Variants in HRH1 observed in about 807,000 individuals in gnomAD.
HRH1 encodes the protein histamine H1 receptor.
In HRH1, 6 loss-of-function variants were observed where a neutral mutation model predicts 10.3. The ratio of observed to expected loss-of-function variants is 0.58; its 90% CI spans 0.32 to 1.15. The LOEUF is 1.15. Ranked by LOEUF, HRH1 falls within the 50% of genes most tolerant of loss-of-function variation. HRH1 has a pLI of 0.05. For synonymous variants in HRH1, 242 were observed against 236.7 expected (o/e 1.02, Z -0.21); for missense variants, 514 against 615.3 (o/e 0.84, Z 1.74).
In HRH1 at chr3:11,260,346, G is replaced by T. The variant is rs202064669; in HGVS notation, c.1309G>T (p.Val437Phe). 5.9e-5 allele frequency: 95 copies of T among 1,614,070 alleles called. 1 individual carries two copies. Among genetic ancestry groups the T allele is most frequent in the Non-Finnish European group, 1.7e-6 (2 of 1,180,044 alleles). The change falls in exon 2 of 2, where the codon GTC becomes TTC. Residue 437 changes from valine to phenylalanine, a missense_variant. Coordinates refer to ENST00000431010, the MANE Select transcript of HRH1 (RefSeq NM_001098212.2). The part of the protein sequence containing the change: ...CWIPYFIFFM[V>F]IAFCKNCCNE... ...GATCCCTTATTTCATCTTCTTCATGGTCATTGCCTTCTGCAAGAACTGTTG... is the reference window on the plus strand; with the variant it reads ...GATCCCTTATTTCATCTTCTTCATGTTCATTGCCTTCTGCAAGAACTGTTG...
intron 1 of HRH1, among the ~76,000 whole-genome samples, chr3:11,247,874 C>T (rs923419241): frequency 2.0e-5 from 3 of 152,006 alleles, no homozygotes; most frequent in Non-Finnish European, 2.9e-5. Flanking sequence ...TGCACTAAAC[C>T]GCAAATACAG....
intron 1 of HRH1, among the ~76,000 whole-genome samples, chr3:11,141,693 C>T (rs1012018380): frequency 6.6e-6 from 1 of 152,196 alleles, no homozygotes; most frequent in African/African-American, 2.4e-5. Context: ...CACTATCTTT[C>T]ATGATCTAGA....
chr3:11,185,745 G>A (rs113443344), intron 1 of HRH1, among the ~76,000 whole-genome samples: 1 of 152,198 alleles, frequency 6.6e-6, no homozygotes, highest in Non-Finnish European at 1.5e-5. Flanking sequence ...GCCAATAGTG[G>A]TGATGGTGTT....
chr3:11,201,290 C>T (rs980758607), intron 1 of HRH1, among the ~76,000 whole-genome samples: 5 of 152,178 alleles, frequency 3.3e-5, no homozygotes, highest in South Asian at 4.1e-4. Context: ...TTTGACTTGC[C>T]CTGCTTGTAT....
chr3:11,200,779 A>C (rs1937874229), intron 1 of HRH1, among the ~76,000 whole-genome samples: 1 of 152,122 alleles, frequency 6.6e-6, no homozygotes, highest in South Asian at 2.1e-4. Context: ...TTGGCTTACA[A>C]ATGAGTAAGG....
intron 1 of HRH1, among the ~76,000 whole-genome samples, chr3:11,237,598 C>T (rs376452743): frequency 6.7e-6 from 1 of 149,656 alleles, no homozygotes; most frequent in Non-Finnish European, 1.5e-5. Context: ...GAGGATTAAA[C>T]GATGCAATAT....
In HRH1 at chr3:11,260,487, C is replaced by A. The variant is rs1939925561; in HGVS notation, c.1450C>A (p.His484Asn). The A allele has an allele frequency of 3.1e-6, 5 of 1,599,506 alleles. No homozygotes were observed. The highest frequency in any genetic ancestry group is 1.3e-5 in the African/African-American group (1 of 74,576). Residue 484 changes from histidine to asparagine, a missense_variant, in exon 2 of 2, where the codon CAT becomes AAT. Transcript: ENST00000431010. The part of the protein sequence containing the change: ...NFKKTFKRIL[H>N]IRS ...CAAGAAGACATTCAAGAGAATTCTG[C>A]ATATTCGCTCCTAAGGGAGGCTCTG... is the stretch of plus-strand genomic sequence containing the variant.
intron 1 of HRH1, among the ~76,000 whole-genome samples, chr3:11,182,957 T>C (rs2125017859): frequency 6.6e-6 from 1 of 152,294 alleles, no homozygotes; most frequent in Middle Eastern, 3.4e-3. Context: ...TATAAAGCAC[T>C]TTTCCCTTTT....
chr3:11,206,786 T>G (rs550217308), intron 1 of HRH1, among the ~76,000 whole-genome samples: 1 of 152,226 alleles, frequency 6.6e-6, no homozygotes, highest in Admixed American at 6.5e-5. Flanking sequence ...CCCAGGCACC[T>G]GTGCCTGGCA....
chr3:11,259,918 A>T lies in HRH1; in HGVS notation c.881A>T (p.Asp294Val), dbSNP rs757067380. ...KSPVVFSQEDDREVDKLYCFP... is the reference protein window; with the variant it reads ...KSPVVFSQEDVREVDKLYCFP... ...CCAGTTGTCTTCAGCCAAGAGGATGATAGAGAAGTAGACAAACTCTACTGC... is the reference window on the plus strand; with the variant it reads ...CCAGTTGTCTTCAGCCAAGAGGATGTTAGAGAAGTAGACAAACTCTACTGC... Residue 294 changes from aspartate (D) to valine (V), a missense_variant, in exon 2 of 2, where the codon GAT becomes GTT. Coordinates refer to ENST00000431010, the MANE Select transcript of HRH1 (RefSeq NM_001098212.2). This position sits in a 1 kb window ranked among gnomAD's most constrained non-coding sequence, Gnocchi z 4.6. The T allele has an allele frequency of 6.2e-7, 1 of 1,614,200 alleles. No homozygotes were observed. Among genetic ancestry groups the T allele is most frequent in the East Asian group, 2.2e-5 (1 of 44,892 alleles).
Position 11,260,613 on chromosome 3 carries a change from C to A in HRH1, c.*112C>A. 1.0e-6 allele frequency: 1 copy of A among 997,368 alleles called. No homozygotes were observed. Among genetic ancestry groups the A allele is most frequent in the Non-Finnish European group, 1.5e-6 (1 of 661,306 alleles). 61.8% of individuals were successfully genotyped at this position (997,368 alleles called of 1,614,324 possible). On this transcript the variant is annotated 3_prime_UTR_variant, in exon 2 of 2. Coordinates refer to ENST00000431010, the MANE Select transcript of HRH1 (RefSeq NM_001098212.2). ...GCACCTGGGCTTTCTGGAATCCAAA[C>A]CACAGTCTTAGGGGCTTGGTAGTTT...
At chr3:11,174,728 G>A (rs557004757) in intron 1 of HRH1, among the ~76,000 whole-genome samples, 1 of 152,344 alleles carries the variant, frequency 6.6e-6, no homozygotes, top group East Asian at 1.9e-4. Context: ...GTGCTTTGAA[G>A]GCTGGGGGTG....
chr3:11,233,207 C>G (rs1418454044), intron 1 of HRH1, among the ~76,000 whole-genome samples: 1 of 152,218 alleles, frequency 6.6e-6, no homozygotes, highest in Non-Finnish European at 1.5e-5. Flanking sequence ...CCCTCTTTCT[C>G]ATCTCCTTCT....
intron 1 of HRH1, among the ~76,000 whole-genome samples, chr3:11,139,941 TTA>T: frequency 6.6e-6 from 1 of 152,322 alleles, no homozygotes; most frequent in Admixed American, 6.5e-5. Flanking sequence ...GCACTGAACT[TTA>T]TACTTTAAAG....
chr3:11,202,438 T>TAAATAAA (rs58125465), intron 1 of HRH1, among the ~76,000 whole-genome samples: 51,088 of 132,748 alleles, frequency 0.38, 10,003 homozygotes, highest in Admixed American at 0.44. Context: ...AAATAAATAA[T>TAAATAAA]TAATTAAAAA....
At chr3:11,184,821 G>T (rs563337803) in intron 1 of HRH1, among the ~76,000 whole-genome samples, 1 of 151,284 alleles carries the variant, frequency 6.6e-6, no homozygotes, top group African/African-American at 2.4e-5. Flanking sequence ...GGAGGCTGAG[G>T]CAGGAGAAAT....
chr3:11,187,428 A>C lies in HRH1; in HGVS notation c.-36+32874A>C, dbSNP rs1937468093. On this transcript the variant is annotated intron_variant, in intron 1 of 1. Transcript: ENST00000431010. ...AAGAAGAGAAAAATAATATCTAAAA[A>C]TATAATAATATATAAAAATAATAAA... Among the ~76,000 whole-genome samples the C allele has an allele frequency of 2.0e-5, 3 of 151,828 alleles. No individual in the cohort carries two copies. In the South Asian group the frequency reaches 6.2e-4, roughly 31 times the overall value.
intron 1 of HRH1, among the ~76,000 whole-genome samples, chr3:11,197,479 G>A (rs1321796168): frequency 6.6e-6 from 1 of 152,084 alleles, no homozygotes; most frequent in African/African-American, 2.4e-5. Context: ...TTATATTGTA[G>A]GATGCTCTAT....
chr3:11,166,420 G>T (rs866606416), intron 1 of HRH1, among the ~76,000 whole-genome samples: 10 of 152,222 alleles, frequency 6.6e-5, no homozygotes, highest in Non-Finnish European at 1.3e-4. Context: ...GGTGTATGAG[G>T]TGCTCCTCTA....
Sources: gnomAD v4.1 joint callset for allele counts (sites outside exome capture counted in the v4.1 genomes callset) on GRCh38, gnomAD v4.1.1 for gene constraint, Gnocchi (gnomAD v3.1) non-coding constraint, MANE v1.5 for transcripts, NCBI Gene and HGNC (gene_info 2026-07-23, HGNC 2026-07-21) for gene names.